SPAG16: variants seen among roughly 807,000 people sequenced by gnomAD.
SPAG16 encodes sperm associated antigen 16.
SPAG16 carries 86 observed loss-of-function variants against 80.4 expected under a neutral mutation model. The observed-to-expected ratio is 1.07, with a 90% CI of 0.90 to 1.28. The LOEUF (loss-of-function observed/expected upper bound fraction) is 1.28, where lower values mean the gene tolerates loss of function less well. Among genes scored for constraint, SPAG16 ranks in the 50% most tolerant of loss-of-function variants. The pLI is 0.00. For missense variants in SPAG16, 870 were observed against 765.3 expected (o/e 1.14, Z -1.61); for synonymous variants, 294 against 265.9 (o/e 1.11, Z -1.03).
intron 10 of SPAG16, among the ~76,000 whole-genome samples, chr2:213,761,605 T>C (rs532255818): frequency 3.6e-4 from 55 of 152,258 alleles, no homozygotes; most frequent in African/African-American, 1.2e-3. Context: ...CTCACGCCTG[T>C]AATCTCAGCA....
intron 11 of SPAG16, among the ~76,000 whole-genome samples, chr2:213,871,707 G>C (rs556664675): frequency 1.3e-5 from 2 of 152,074 alleles, no homozygotes; most frequent in African/African-American, 4.8e-5. Flanking sequence ...CAAAGATTGG[G>C]TGACTTACTG....
intron 15 of SPAG16, among the ~76,000 whole-genome samples, chr2:214,174,164 T>G (rs1041010602): frequency 2.6e-5 from 4 of 152,004 alleles, no homozygotes; most frequent in Non-Finnish European, 5.9e-5. Flanking sequence ...CTTTGAAAAC[T>G]GGCACAAGAC....
chr2:214,303,789 T>A (rs534691465), intron 15 of SPAG16, among the ~76,000 whole-genome samples: 1 of 151,574 alleles, frequency 6.6e-6, no homozygotes, highest in Non-Finnish European at 1.5e-5. Flanking sequence ...AGTATTTAGG[T>A]TTTTTTTCCT....
intron 9 of SPAG16, among the ~76,000 whole-genome samples, chr2:213,459,621 T>G (rs1287617951): frequency 6.6e-6 from 1 of 152,214 alleles, no homozygotes; most frequent in East Asian, 1.9e-4. Flanking sequence ...CAGCTTCAGT[T>G]GTAGTCCTTG....
At chr2:213,508,105 AT>A (rs2075046269) in intron 10 of SPAG16, among the ~76,000 whole-genome samples, 3 of 152,230 alleles carry the variant, frequency 2.0e-5, no homozygotes, top group Non-Finnish European at 4.4e-5. Context: ...ATCACTGGGT[AT>A]ATACCCAAAG....
At chr2:213,523,201 C>T (rs2075752117) in intron 10 of SPAG16, among the ~76,000 whole-genome samples, 1 of 152,116 alleles carries the variant, frequency 6.6e-6, no homozygotes, top group South Asian at 2.1e-4. Flanking sequence ...GGATTTCTTA[C>T]AGGATCTGAT....
At chr2:213,370,217 G>A (rs555214483) in intron 8 of SPAG16, among the ~76,000 whole-genome samples, 1 of 152,186 alleles carries the variant, frequency 6.6e-6, no homozygotes, top group African/African-American at 2.4e-5. Context: ...GTTTATAGTG[G>A]ATCCTACAAT....
At chr2:214,367,887 A>G (rs1259338541) in intron 15 of SPAG16, among the ~76,000 whole-genome samples, 1 of 152,094 alleles carries the variant, frequency 6.6e-6, no homozygotes, top group Non-Finnish European at 1.5e-5. Flanking sequence ...TCTTCCCACA[A>G]TAAACATCAT....
At chr2:213,908,769 T>TTC (rs1553661884) in intron 11 of SPAG16, among the ~76,000 whole-genome samples, 1 of 151,314 alleles carries the variant, frequency 6.6e-6, no homozygotes. Context: ...TCTTTTTTTT[T>TTC]CCTTTTTTTA....
At chr2:213,838,035 T>A (rs1436190577) in intron 10 of SPAG16, among the ~76,000 whole-genome samples, 1 of 152,106 alleles carries the variant, frequency 6.6e-6, no homozygotes. Context: ...CTGAGCCTCA[T>A]CAGTGTTTTG....
intron 9 of SPAG16, among the ~76,000 whole-genome samples, chr2:213,472,399 C>T (rs1224180625): frequency 6.6e-6 from 1 of 152,126 alleles, no homozygotes; most frequent in Non-Finnish European, 1.5e-5. Context: ...CGATCATTCT[C>T]CAAGATCTAT....
chr2:214,031,305 G>A (rs965501160), intron 13 of SPAG16, among the ~76,000 whole-genome samples: 4 of 150,956 alleles, frequency 2.6e-5, no homozygotes, highest in African/African-American at 9.8e-5. Context: ...GGATGAAATT[G>A]GAAATCATCC....
chr2:213,361,714 A>G (rs1208340351), intron 7 of SPAG16, among the ~76,000 whole-genome samples: 2 of 151,600 alleles, frequency 1.3e-5, no homozygotes, highest in East Asian at 3.9e-4. Context: ...GTTATGACAA[A>G]GGAACTGTAG....
intron 14 of SPAG16, among the ~76,000 whole-genome samples, chr2:214,144,530 G>C (rs920706348): frequency 6.6e-6 from 1 of 152,156 alleles, no homozygotes; most frequent in Middle Eastern, 3.5e-3. Flanking sequence ...TAGGTCACTA[G>C]AATGTACTGC....
intron 8 of SPAG16, among the ~76,000 whole-genome samples, chr2:213,371,775 A>G (rs2066650474): frequency 2.0e-5 from 3 of 152,208 alleles, no homozygotes; most frequent in Admixed American, 2.0e-4. Flanking sequence ...AAGTTAGCAA[A>G]GTATTTTAAA....
intron 15 of SPAG16, among the ~76,000 whole-genome samples, chr2:214,308,583 G>A (rs1044649694): frequency 4.6e-5 from 7 of 152,070 alleles, no homozygotes; most frequent in Non-Finnish European, 8.8e-5. Flanking sequence ...CAGGTCTGGT[G>A]GTAACAATTC....
chr2:213,289,281 C>T (rs1464070717), intron 1 of SPAG16, among the ~76,000 whole-genome samples: 1 of 152,144 alleles, frequency 6.6e-6, no homozygotes, highest in African/African-American at 2.4e-5. Context: ...CTTTGGATCT[C>T]CTGGCTTAGA....
chr2:213,399,640 C>G (rs2068217067), intron 9 of SPAG16, among the ~76,000 whole-genome samples: 1 of 151,814 alleles, frequency 6.6e-6, no homozygotes, highest in African/African-American at 2.4e-5. Flanking sequence ...CAGTCACTGT[C>G]TTTTTATAAT....
chr2:213,619,779 A>G (rs772857782), intron 10 of SPAG16, among the ~76,000 whole-genome samples: 157 of 152,148 alleles, frequency 1.0e-3, no homozygotes, highest in Non-Finnish European at 1.9e-3. Flanking sequence ...TAACAATAAA[A>G]CTCCCATATG....
Sources: allele counts gnomAD v4.1 joint callset (sites outside exome capture counted in the v4.1 genomes callset), GRCh38; gene constraint gnomAD v4.1.1; transcripts MANE v1.5; gene names NCBI Gene and HGNC (gene_info 2026-07-23, HGNC 2026-07-21).